The following DNAH11 variants were observed in gnomAD, a reference collection of about 807,000 sequenced individuals.
DNAH11 encodes the protein dynein axonemal heavy chain 11.
In DNAH11, 442 loss-of-function variants were observed where a neutral mutation model predicts 526.0. That is an observed-to-expected ratio of 0.84 (90% CI 0.78 to 0.91). DNAH11 has a LOEUF of 0.91. DNAH11 is among the 40% of genes least tolerant of loss of function. The probability of loss-of-function intolerance (pLI) is 0.00; values close to 1 mark genes in which losing one functional copy is unlikely to be tolerated. For synonymous variants in DNAH11, 2,461 were observed against 1,935.9 expected, an observed-to-expected ratio of 1.27 and a Z score of -7.12; for missense variants, 6,989 against 5,448.7, an observed-to-expected ratio of 1.28 and a Z score of -8.90.
intron 65 of DNAH11, among the ~76,000 whole-genome samples, chr7:21,831,010 G>A: frequency 6.6e-6 from 1 of 152,228 alleles, no homozygotes; most frequent in East Asian, 1.9e-4. Flanking sequence ...TCCTATGGGA[G>A]CAGCCCCGTG....
At position 21,773,837 on chromosome 7, in the gene DNAH11, A is replaced by G; in HGVS notation, c.9174A>G (p.Arg3058=). The part of the protein sequence containing the change: ...VHTTVNEMST[R]YYQNERRHNY... ...CCACTGTAAATGAAATGAGTACCAGATATTACCAGAATGAGAGAAGACACA... is the reference window on the plus strand; with the variant it reads ...CCACTGTAAATGAAATGAGTACCAGGTATTACCAGAATGAGAGAAGACACA... The change falls in exon 56 of 82, where the codon AGA becomes AGG. Residue 3058 remains arginine, a synonymous_variant. Transcript: ENST00000409508. The G allele has an allele frequency of 6.2e-7, 1 of 1,609,140 alleles. No individual in the cohort carries two copies. Among genetic ancestry groups the G allele is most frequent in the African/African-American group, 1.3e-5 (1 of 74,992 alleles).
Position 21,564,382 on chromosome 7 carries a change from T to C in DNAH11, c.1179T>C (p.Asn393=). The part of the protein sequence containing the change: ...RVIVLLQEFC[N]LFINQATAYL... ...TAGTTTTATTGCAAGAGTTTTGTAA[T>C]CTCTTCATTAACCAGGTATGAAGCA... The change falls in exon 6 of 82, where the codon AAT becomes AAC. Residue 393 remains asparagine, a synonymous_variant. Transcript: ENST00000409508. 6.2e-7 allele frequency: 1 copy of C among 1,612,238 alleles called. No homozygotes were observed. Among genetic ancestry groups the C allele is most frequent in the East Asian group, 2.2e-5 (1 of 44,856 alleles).
chr7:21,769,676 G>T lies in DNAH11; in HGVS notation c.9102+4087G>T, dbSNP rs1164340603. On this transcript the variant is annotated intron_variant, in intron 55 of 81. Transcript: ENST00000409508. ...ATTTTTGTACTTTTAGTAGAGACAG[G>T]GTTTCACCATGTTGCCCAGGCTGGT... Among the ~76,000 whole-genome samples, 53 of 151,830 alleles carry T rather than the reference G, an allele frequency of 3.5e-4. 1 individual carries two copies. The highest frequency in any genetic ancestry group is 3.4e-3 in the Admixed American group (52 of 15,230).
At chr7:21,738,373 C>T (rs2906683) in intron 46 of DNAH11, among the ~76,000 whole-genome samples, 38,395 of 152,032 alleles carry the variant, frequency 0.25, 5,103 homozygotes, top group East Asian at 0.39. Flanking sequence ...GCAGTGGCCA[C>T]ATAGAATGGG....
At chr7:21,621,300 T>A (rs1786042521) in intron 25 of DNAH11, among the ~76,000 whole-genome samples, 1 of 152,102 alleles carries the variant, frequency 6.6e-6, no homozygotes, top group Non-Finnish European at 1.5e-5. Flanking sequence ...AATAGACCAA[T>A]AACAGGCTCC....
chr7:21,735,544 C>G, intron 45 of DNAH11, 96 bp from the exon 46 acceptor site: 1 of 982,574 alleles, frequency 1.0e-6, no homozygotes, highest in Non-Finnish European at 1.5e-6. Flanking sequence ...TATAAAGTGA[C>G]TGTGTTGAGT....
At chr7:21,848,865 C>G (rs951957955) in intron 66 of DNAH11, among the ~76,000 whole-genome samples, 28 of 151,968 alleles carry the variant, frequency 1.8e-4, no homozygotes, top group Non-Finnish European at 3.2e-4. Flanking sequence ...TATACATTTA[C>G]AACTAATCTA....
chr7:21,818,464 C>A, intron 65 of DNAH11, 125 bp downstream of exon 65: 2 of 1,008,142 alleles, frequency 2.0e-6, no homozygotes, highest in Non-Finnish European at 2.8e-6. Context: ...CCATTTCATG[C>A]ACCTACACTC....
rs1006041014 is a variant in DNAH11, at chr7:21,887,146, C to T, written c.12507+2736C>T. 5.3e-5 allele frequency among the ~76,000 whole-genome samples: 8 copies of T among 152,234 alleles called. 1 individual carries two copies. In the South Asian group the frequency reaches 1.7e-3, roughly 32 times the overall value. On this transcript the variant is annotated intron_variant, in intron 76 of 81. Transcript: ENST00000409508. ...ATTGGAACATGATCAAAAAGCAACC[C>T]ATTCATGGTGTGGGGTTTAAAGTTC...
intron 30 of DNAH11, among the ~76,000 whole-genome samples, chr7:21,679,481 G>A (rs909834461): frequency 2.0e-5 from 3 of 152,118 alleles, no homozygotes; most frequent in Admixed American, 6.5e-5. Context: ...AAAATATCAC[G>A]TTGTATACCT....
rs1234630128 is a variant in DNAH11, at chr7:21,739,597, A to C, written c.7838A>C (p.Lys2613Thr). ...TATGATAGACAGAAGGTGATGCTTAAAGAAATCCATAACTGCCAGTATGTC... is the reference window on the plus strand; with the variant it reads ...TATGATAGACAGAAGGTGATGCTTACAGAAATCCATAACTGCCAGTATGTC... ...HWYDRQKVMLKEIHNCQYVAC... is the reference protein window; with the variant it reads ...HWYDRQKVMLTEIHNCQYVAC... The change falls in exon 48 of 82, where the codon AAA becomes ACA. Residue 2613 changes from lysine to threonine, a missense_variant. Lys to Thr is a moderately conservative substitution (Grantham distance 78, BLOSUM62 -1). Coordinates refer to ENST00000409508, the MANE Select transcript of DNAH11 (RefSeq NM_001277115.2). 1 of 1,612,584 alleles carries C rather than the reference A, an allele frequency of 6.2e-7. No individual in the cohort carries two copies. The highest frequency in any genetic ancestry group is 8.5e-7 in the Non-Finnish European group (1 of 1,179,434).
chr7:21,602,635 G>A (rs1785138722), intron 18 of DNAH11, among the ~76,000 whole-genome samples: 1 of 151,694 alleles, frequency 6.6e-6, no homozygotes, highest in South Asian at 2.1e-4. Context: ...AATGTGATCA[G>A]TGGACACATT....
chr7:21,627,060 T>G lies in DNAH11; in HGVS notation c.4500+6982T>G, dbSNP rs1395833114. Among the ~76,000 whole-genome samples, 3 of 152,128 alleles carry G rather than the reference T, an allele frequency of 2.0e-5. No homozygotes were observed. In the East Asian group the frequency reaches 5.8e-4, roughly 29 times the overall value. ...ACAGCGCCCGGCCTGTGTGTCTTCTTTTGAGAAATGCCTATTCAAATATTT... is the reference window on the plus strand; with the variant it reads ...ACAGCGCCCGGCCTGTGTGTCTTCTGTTGAGAAATGCCTATTCAAATATTT... On this transcript the variant is annotated intron_variant, in intron 25 of 81. Coordinates refer to ENST00000409508, the MANE Select transcript of DNAH11 (RefSeq NM_001277115.2).
chr7:21,573,996 G>T (rs1006856085), intron 8 of DNAH11, among the ~76,000 whole-genome samples: 4 of 152,176 alleles, frequency 2.6e-5, no homozygotes, highest in East Asian at 3.8e-4. Flanking sequence ...GTACCGAAAG[G>T]TTTGCTGCCG....
intron 66 of DNAH11, among the ~76,000 whole-genome samples, chr7:21,849,276 T>A (rs1331123270): frequency 6.6e-6 from 1 of 152,254 alleles, no homozygotes. Flanking sequence ...TCATCCTTTA[T>A]AACATTGCTG....
rs143553161 is a variant in DNAH11 at position 21,696,660 on chromosome 7, C to G, written c.6042-1415C>G. On this transcript the variant is annotated intron_variant, in intron 35 of 81. Transcript: ENST00000409508. ...TTAATAACTTTTGTTTAATGGGTGA[C>G]GAAAGCATTACTCATGTGTGGAGGC... 4.2e-3 allele frequency among the ~76,000 whole-genome samples: 632 copies of G among 152,144 alleles called. 7 individuals are homozygous for G. The highest frequency in any genetic ancestry group is 0.014 in the African/African-American group (602 of 41,524).
chr7:21,704,352 G>T lies in DNAH11; in HGVS notation c.6274-82G>T. On this transcript the variant is annotated intron_variant, in intron 37 of 81. Coordinates refer to ENST00000409508, the MANE Select transcript of DNAH11 (RefSeq NM_001277115.2). Reference sequence around the variant, plus strand: ...ATATCTCATGCTTCACATATGAGGAGTAAAAATAACAAACATCTTTAGTTT... The same window carrying T: ...ATATCTCATGCTTCACATATGAGGATTAAAAATAACAAACATCTTTAGTTT... 4 of 1,384,532 alleles carry T rather than the reference G, an allele frequency of 2.9e-6. No homozygotes were observed. In the Admixed American group the frequency reaches 8.6e-5, roughly 30 times the overall value. 85.8% of individuals were successfully genotyped at this position (1,384,532 alleles called of 1,614,324 possible). A position where few individuals can be genotyped will look rare whatever the true frequency, so the allele number is the denominator to read the frequency against.
In DNAH11 at chr7:21,708,597, C is replaced by T. The variant is rs776622053; in HGVS notation, c.6683+762C>T. Among the ~76,000 whole-genome samples the T allele has an allele frequency of 9.9e-5, 15 of 152,188 alleles. 1 individual carries two copies. The highest frequency in any genetic ancestry group is 2.1e-4 in the South Asian group (1 of 4,828). On this transcript the variant is annotated intron_variant, in intron 40 of 81. Coordinates refer to ENST00000409508, the MANE Select transcript of DNAH11 (RefSeq NM_001277115.2). ...CTTTATAATCCAACCTTTTCCATGG[C>T]TTATAACGCTCTATGGGATTGGATC... is the stretch of plus-strand genomic sequence containing the variant.
At position 21,900,129 on chromosome 7, in the gene DNAH11, C is replaced by G; in HGVS notation, c.13303+9C>G. ...CGGACTCTTCATGGAGGGTAAGACA[C>G]CCCAAGGGGTAAGTGGGGAACCTTT... On this transcript the variant is annotated intron_variant, in intron 81 of 81. Transcript: ENST00000409508. 7 of 1,603,442 alleles carry G rather than the reference C, an allele frequency of 4.4e-6. No homozygotes were observed. The highest frequency in any genetic ancestry group is 6.0e-6 in the Non-Finnish European group (7 of 1,174,286).
Sources: allele counts gnomAD v4.1 joint callset (sites outside exome capture counted in the v4.1 genomes callset), GRCh38; gene constraint gnomAD v4.1.1; transcripts MANE v1.5; gene names NCBI Gene and HGNC (gene_info 2026-07-23, HGNC 2026-07-21).